The following MEF2C variants were observed in gnomAD, a reference collection of about 807,000 sequenced individuals.
MEF2C encodes the protein myocyte enhancer factor 2C.
A neutral mutation model predicts 50.5 loss-of-function variants in MEF2C; 6 were observed. The ratio of observed to expected loss-of-function variants is 0.12; its 90% CI spans 0.07 to 0.23. The LOEUF (loss-of-function observed/expected upper bound fraction) is 0.23, where lower values mean the gene tolerates loss of function less well. MEF2C is among the 10% of genes least tolerant of loss of function. MEF2C has a pLI of 1.00. For missense variants in MEF2C, 276 were observed against 605.0 expected, an observed-to-expected ratio of 0.46 and a Z score of 5.70; for synonymous variants, 183 against 228.0, an observed-to-expected ratio of 0.80 and a Z score of 1.78.
chr5:88,861,631 T>C (rs1375143778), intron 1 of MEF2C, among the ~76,000 whole-genome samples: 1 of 152,126 alleles, frequency 6.6e-6, no homozygotes, highest in Non-Finnish European at 1.5e-5. Context: ...GAGACAACAG[T>C]CCTGATAAAT....
intron 4 of MEF2C, chr5:88,752,750 G>A (rs1262768701): frequency 7.1e-6 from 7 of 985,306 alleles, no homozygotes; most frequent in Non-Finnish European, 8.4e-6. Context: ...CTGAAGCTGT[G>A]TGGATGTCTA....
rs661797 is a variant in MEF2C at position 88,799,870 on chromosome 5, T to A, written c.258+4728A>T. Among the ~76,000 whole-genome samples, 309 of 107,474 alleles carry A rather than the reference T, an allele frequency of 2.9e-3. 2 individuals carry two copies. Among genetic ancestry groups the A allele is most frequent in the Admixed American group, 9.3e-3 (97 of 10,402 alleles). 70.5% of individuals were successfully genotyped at this position (107,474 alleles called of 152,430 possible). The stretch of plus-strand genomic sequence containing the variant: ...TTCCTTCTCTCTCTCTCTCTCTCTC[T>A]CACACACACACACACACACACACAC... On this transcript the variant is annotated intron_variant, in intron 3 of 10. Transcript: ENST00000504921.
chr5:88,742,958 A>G, intron 6 of MEF2C: 1 of 968,064 alleles, frequency 1.0e-6, no homozygotes, highest in Non-Finnish European at 1.2e-6. Flanking sequence ...TAATTTCATA[A>G]ATAATAATAA....
At chr5:88,726,304 T>G (rs1054156334) in intron 10 of MEF2C, among the ~76,000 whole-genome samples, 1 of 152,162 alleles carries the variant, frequency 6.6e-6, no homozygotes, top group Non-Finnish European at 1.5e-5. Flanking sequence ...GCGACAACTT[T>G]GGCCTGGAAA....
upstream of MEF2C, among the ~76,000 whole-genome samples, chr5:88,884,134 C>A (rs937472609): frequency 6.6e-6 from 1 of 152,244 alleles, no homozygotes; most frequent in Non-Finnish European, 1.5e-5. Context: ...AACCTAGTCT[C>A]CCGCTGCGGC....
intron 2 of MEF2C, among the ~76,000 whole-genome samples, chr5:88,822,647 T>TA (rs1457634380): frequency 6.6e-6 from 1 of 151,930 alleles, no homozygotes; most frequent in Non-Finnish European, 1.5e-5. Flanking sequence ...ACATTACATT[T>TA]AAAAAAATGA....
chr5:88,748,120 C>T (rs1770796306), intron 6 of MEF2C: 19 of 983,568 alleles, frequency 1.9e-5, no homozygotes, highest in Non-Finnish European at 2.3e-5. Flanking sequence ...AGAAACTCTA[C>T]CCTCAAATAG....
chr5:88,782,648 C>A lies in MEF2C; in HGVS notation c.259-21320G>T, dbSNP rs541371536. Among the ~76,000 whole-genome samples, 3 of 152,286 alleles carry A rather than the reference C, an allele frequency of 2.0e-5. No individual in the cohort carries two copies. In the South Asian group the frequency reaches 6.2e-4, roughly 32 times the overall value. The stretch of plus-strand genomic sequence containing the variant: ...ATGAATATTTCTGAAGCAACTTGTC[C>A]TATGAAATAAAAATATAAGTTTGGT... On this transcript the variant is annotated intron_variant, in intron 3 of 10. Coordinates refer to ENST00000504921, the MANE Select transcript of MEF2C (RefSeq NM_002397.5).
At chr5:88,766,613 G>A (rs1041070184) in intron 3 of MEF2C, 2 of 982,584 alleles carry the variant, frequency 2.0e-6, no homozygotes, top group Non-Finnish European at 2.4e-6. Flanking sequence ...CCTCAAGAAT[G>A]TATATTTTCA....
chr5:88,800,504 G>A (rs1434460709), intron 3 of MEF2C, among the ~76,000 whole-genome samples: 3 of 152,196 alleles, frequency 2.0e-5, no homozygotes, highest in Non-Finnish European at 4.4e-5. Context: ...GCTAAATGAA[G>A]CAATGGGCTG....
intron 1 of MEF2C, 111 bp from the exon 2 acceptor site, chr5:88,824,041 A>C (rs1809733671): frequency 9.5e-7 from 1 of 1,053,672 alleles, no homozygotes; most frequent in Non-Finnish European, 1.2e-6. Context: ...AAAGCAATAA[A>C]ATGAATAAAA....
At chr5:88,895,327 C>T (rs956628648) in intron 1 of MEF2C, among the ~76,000 whole-genome samples, 3 of 151,994 alleles carry the variant, frequency 2.0e-5, no homozygotes, top group Admixed American at 6.6e-5. Context: ...CTATATTATC[C>T]TTGTCAGTGT....
chr5:88,891,723 A>G (rs957742973), intron 1 of MEF2C, among the ~76,000 whole-genome samples: 3 of 152,140 alleles, frequency 2.0e-5, no homozygotes, highest in Non-Finnish European at 4.4e-5. Context: ...ACAAAACATT[A>G]TTACAAATTA....
chr5:88,735,107 C>G (rs757026670), intron 6 of MEF2C: 1 of 985,310 alleles, frequency 1.0e-6, no homozygotes, highest in Non-Finnish European at 1.2e-6. Flanking sequence ...ATATAGAAAC[C>G]TATGATTTGA....
chr5:88,790,945 C>T (rs1028903414), intron 3 of MEF2C, among the ~76,000 whole-genome samples: 3 of 152,172 alleles, frequency 2.0e-5, no homozygotes, highest in Non-Finnish European at 4.4e-5. Context: ...AAAATAAACA[C>T]TCCTTAATGA....
At chr5:88,873,715 T>C in intron 1 of MEF2C, among the ~76,000 whole-genome samples, 1 of 31,892 alleles carries the variant, frequency 3.1e-5, no homozygotes, top group Non-Finnish European at 5.6e-5. Flanking sequence ...CGGATTTTTT[T>C]TTTTTTTTTT....
At chr5:88,834,003 A>G (rs1814058923) in intron 1 of MEF2C, among the ~76,000 whole-genome samples, 1 of 152,164 alleles carries the variant, frequency 6.6e-6, no homozygotes, top group African/African-American at 2.4e-5. Flanking sequence ...TAGTTATAGC[A>G]TTCCTCTCAA....
chr5:88,734,291 G>C, intron 6 of MEF2C: 1 of 985,360 alleles, frequency 1.0e-6, no homozygotes, highest in Non-Finnish European at 1.2e-6. Context: ...GCCTGTGTGA[G>C]ATCTGGTTTA....
chr5:88,819,987 C>T (rs907318775), intron 2 of MEF2C, among the ~76,000 whole-genome samples: 8 of 151,902 alleles, frequency 5.3e-5, no homozygotes, highest in African/African-American at 1.9e-4. Flanking sequence ...GTGTTAGGTA[C>T]ACTGCAGTCT....
Sources: gnomAD v4.1 joint callset for allele counts (sites outside exome capture counted in the v4.1 genomes callset) on GRCh38, gnomAD v4.1.1 for gene constraint, MANE v1.5 for transcripts, NCBI Gene and HGNC (gene_info 2026-07-23, HGNC 2026-07-21) for gene names.